Variants in FHIT observed in about 807,000 individuals in gnomAD.
FHIT encodes the protein fragile histidine triad diadenosine triphosphatase.
FHIT carries 19 observed loss-of-function variants against 17.9 expected under a neutral mutation model. That is an observed-to-expected ratio of 1.06 (90% CI 0.74 to 1.56). The LOEUF (loss-of-function observed/expected upper bound fraction) is 1.56, where lower values mean the gene tolerates loss of function less well. Among genes scored for constraint, FHIT ranks in the 40% most tolerant of loss-of-function variants. FHIT has a pLI of 0.00. For missense variants in FHIT, 248 were observed against 189.2 expected, an observed-to-expected ratio of 1.31 and a Z score of -1.82; for synonymous variants, 81 against 69.7, an observed-to-expected ratio of 1.16 and a Z score of -0.81.
chr3:60,730,245 C>T, intron 4 of FHIT: 1 of 263,044 alleles, frequency 3.8e-6, no homozygotes. Flanking sequence ...TGGCCACAGC[C>T]AGCTCACTGA....
chr3:60,862,851 CAA>C (rs35183529), intron 3 of FHIT, among the ~76,000 whole-genome samples: 2,957 of 107,504 alleles, frequency 0.028, 100 homozygotes, highest in African/African-American at 0.09. Flanking sequence ...AACTCCCTCT[CAA>C]AAAAAAAAAA....
chr3:60,045,829 G>A (rs901806577), intron 5 of FHIT, among the ~76,000 whole-genome samples: 1 of 152,302 alleles, frequency 6.6e-6, no homozygotes, highest in Non-Finnish European at 1.5e-5. Context: ...GAATGGATAA[G>A]GAGGAACACC....
intron 8 of FHIT, among the ~76,000 whole-genome samples, chr3:59,857,180 T>A (rs757616897): frequency 2.4e-4 from 37 of 152,206 alleles, no homozygotes; most frequent in Non-Finnish European, 4.6e-4. Flanking sequence ...AGTTTTCAAG[T>A]TGGGGTTTGA....
intron 4 of FHIT, among the ~76,000 whole-genome samples, chr3:60,774,444 G>T (rs1700150216): frequency 6.6e-6 from 1 of 151,942 alleles, no homozygotes; most frequent in African/African-American, 2.4e-5. Context: ...GGGATTACAG[G>T]CACCTGCCAC....
chr3:60,393,529 GC>G (rs1462756635), intron 5 of FHIT, among the ~76,000 whole-genome samples: 1 of 151,706 alleles, frequency 6.6e-6, no homozygotes, highest in African/African-American at 2.4e-5. Flanking sequence ...TTTCTAAGTG[GC>G]TTAGGAAAAG....
intron 7 of FHIT, among the ~76,000 whole-genome samples, chr3:59,976,970 G>A (rs1708441435): frequency 6.6e-6 from 1 of 152,056 alleles, no homozygotes; most frequent in Non-Finnish European, 1.5e-5. Flanking sequence ...TTGAGATGCT[G>A]CACACCACCT....
At chr3:60,499,557 A>C (rs1187800407) in intron 5 of FHIT, among the ~76,000 whole-genome samples, 1 of 151,998 alleles carries the variant, frequency 6.6e-6, no homozygotes, top group Non-Finnish European at 1.5e-5. Flanking sequence ...GCACCCGGCT[A>C]ATATTTTGTA....
chr3:60,371,692 G>A (rs892666179), intron 5 of FHIT, among the ~76,000 whole-genome samples: 5 of 152,010 alleles, frequency 3.3e-5, no homozygotes, highest in Non-Finnish European at 7.4e-5. Context: ...TATTTCCAAA[G>A]CACATTTAAA....
chr3:60,780,018 C>T (rs1317461152), intron 4 of FHIT, among the ~76,000 whole-genome samples: 1 of 152,182 alleles, frequency 6.6e-6, no homozygotes, highest in Non-Finnish European at 1.5e-5. Context: ...GTGGCACCTA[C>T]CAAGGTCACT....
chr3:61,107,343 T>G (rs2036020952), intron 2 of FHIT, among the ~76,000 whole-genome samples: 1 of 152,232 alleles, frequency 6.6e-6, no homozygotes, highest in South Asian at 2.1e-4. Context: ...CCAGGGTGTA[T>G]GTATATCACA....
Position 59,987,208 on chromosome 3 carries a change from T to A in FHIT, c.279+24163A>T, listed in dbSNP as rs552295093. ...TTTCTATAGGAAATCCTATATATAT[T>A]TATTTATTTATTTAGGACTGCTTTT... On this transcript the variant is annotated intron_variant, in intron 7 of 9. Transcript: ENST00000492590. 4.0e-5 allele frequency among the ~76,000 whole-genome samples: 6 copies of A among 148,786 alleles called. No homozygotes were observed. In the East Asian group the frequency reaches 9.8e-4, roughly 24 times the overall value.
At chr3:60,955,631 TATACACAC>T (rs1709111242) in intron 3 of FHIT, among the ~76,000 whole-genome samples, 3 of 46,512 alleles carry the variant, frequency 6.4e-5, no homozygotes, top group Non-Finnish European at 9.3e-5. Context: ...TATATATATA[TATACACAC>T]ACACACATAT....
rs539695665 is a variant in FHIT, at chr3:60,531,446, T to G, written c.103+5414A>C. On this transcript the variant is annotated intron_variant, in intron 5 of 9. Transcript: ENST00000492590. ...GGCGCCCGCTACCACGCCCGGCTAA[T>G]TTTTTGTATTTTTAGTAGAGACGGG... Among the ~76,000 whole-genome samples the G allele has an allele frequency of 1.8e-3, 272 of 151,892 alleles. 1 individual carries two copies. Among genetic ancestry groups the G allele is most frequent in the African/African-American group, 6.3e-3 (262 of 41,424 alleles).
intron 5 of FHIT, among the ~76,000 whole-genome samples, chr3:60,147,828 C>T (rs538380581): frequency 2.6e-5 from 4 of 152,212 alleles, no homozygotes; most frequent in South Asian, 2.1e-4. Flanking sequence ...AGTTGTCGAA[C>T]GACCTCGGGG....
At chr3:61,075,229 C>T (rs1575967044) in intron 2 of FHIT, among the ~76,000 whole-genome samples, 1 of 152,292 alleles carries the variant, frequency 6.6e-6, no homozygotes. Flanking sequence ...CCTTGTGTCG[C>T]ATCTGGAGCT....
intron 5 of FHIT, among the ~76,000 whole-genome samples, chr3:60,082,859 T>G (rs1703349173): frequency 6.6e-6 from 1 of 152,132 alleles, no homozygotes; most frequent in Admixed American, 6.6e-5. Context: ...CCATATAGAT[T>G]CTGGGTATTA....
intron 1 of FHIT, among the ~76,000 whole-genome samples, chr3:61,220,464 T>C (rs1381668318): frequency 6.6e-6 from 1 of 152,250 alleles, no homozygotes; most frequent in South Asian, 2.1e-4. Context: ...TCAATTTATA[T>C]GTATGCATTT....
intron 3 of FHIT, among the ~76,000 whole-genome samples, chr3:60,927,643 G>C (rs1015539354): frequency 1.2e-4 from 18 of 151,166 alleles, no homozygotes; most frequent in African/African-American, 4.1e-4. Context: ...GCCCTGTCTG[G>C]GAGGTGAGGA....
At chr3:60,143,225 T>C (rs554872429) in intron 5 of FHIT, among the ~76,000 whole-genome samples, 197 of 152,280 alleles carry the variant, frequency 1.3e-3, no homozygotes, top group African/African-American at 4.5e-3. Context: ...CTCAATTTCT[T>C]AGCCCTCCTT....
Sources: gnomAD v4.1 joint callset for allele counts (sites outside exome capture counted in the v4.1 genomes callset) on GRCh38, gnomAD v4.1.1 for gene constraint, MANE v1.5 for transcripts, NCBI Gene and HGNC (gene_info 2026-07-23, HGNC 2026-07-21) for gene names.